The following PGAP3 variants were observed in gnomAD, a reference collection of about 807,000 sequenced individuals.
The protein encoded by PGAP3 is GPI-specific phospholipase A2-like PGAP3.
A neutral mutation model predicts 40.3 loss-of-function variants in PGAP3; 31 were observed. That is an observed-to-expected ratio of 0.77 (90% CI 0.58 to 1.04). The LOEUF is 1.04. Among genes scored for constraint, PGAP3 ranks in the 50% least tolerant of loss-of-function variants. The pLI, the probability that PGAP3 is intolerant of heterozygous loss-of-function variation, is 0.00. For synonymous variants in PGAP3, 191 were observed against 184.5 expected (o/e 1.04, Z -0.29); for missense variants, 413 against 423.0 (o/e 0.98, Z 0.21).
intron 2 of PGAP3, 133 bp downstream of exon 2, chr17:39,685,789 G>T: frequency 1.4e-6 from 1 of 728,424 alleles, no homozygotes; most frequent in Non-Finnish European, 2.3e-6. Context: ...AGATTTTGGG[G>T]AGAACAGGTA....
rs2057594118 is a variant in PGAP3, at chr17:39,687,951, G to A, written c.64C>T (p.Gln22Ter). Reference sequence around the variant, plus strand: ...CGGTACACCGGCTCACGGTCGCCCTGGGAGCCGCTCGCCAGCGCCGCTGCC... The same window carrying A: ...CGGTACACCGGCTCACGGTCGCCCTAGGAGCCGCTCGCCAGCGCCGCTGCC... The part of the protein sequence containing the change: ...AGAAALASGS[Q>*]GDREPVYRDC... Residue 22 changes from glutamine (Q) to a stop codon, truncating the protein, a stop_gained, in exon 1 of 8, where the codon CAG becomes TAG. Coordinates refer to ENST00000300658, the MANE Select transcript of PGAP3 (RefSeq NM_033419.5). LOFTEE classifies it high-confidence loss of function. The A allele has an allele frequency of 4.7e-6, 7 of 1,474,518 alleles. No homozygotes were observed. The highest frequency in any genetic ancestry group is 5.5e-6 in the Non-Finnish European group (6 of 1,097,786). The allele number at this position is 1,474,518 out of a possible 1,614,324, so 91.3% of individuals were successfully genotyped here. A position where few individuals can be genotyped will look rare whatever the true frequency, so the allele number is the denominator to read the frequency against.
Position 39,673,555 on chromosome 17 carries a change from C to T in PGAP3, c.653G>A (p.Arg218His), listed in dbSNP as rs749401877. ...CACCAGGTTGTAGCCATAGTCGAAG[C>T]GGATGAGGCTCAGGTAGGAGACGTG... ...TVHVSYLSLI[R>H]FDYGYNLVAN... Residue 218 changes from arginine to histidine, a missense_variant, in exon 6 of 8, where the codon CGC becomes CAC. Physicochemically the swap from Arg to His is conservative, Grantham distance 29 (BLOSUM62 0). Transcript: ENST00000300658. 1.2e-5 allele frequency: 20 copies of T among 1,614,004 alleles called. No homozygotes were observed. Among genetic ancestry groups the T allele is most frequent in the Admixed American group, 1.7e-5 (1 of 60,002 alleles).
chr17:39,682,625 C>T (rs1238486802), intron 3 of PGAP3, among the ~76,000 whole-genome samples: 4 of 152,144 alleles, frequency 2.6e-5, no homozygotes, highest in African/African-American at 9.7e-5. Context: ...ACCCATGCCA[C>T]CTCTCTAGTC....
In PGAP3 at chr17:39,673,041, C is replaced by A; in HGVS notation, c.899+10G>T. 1.9e-6 allele frequency: 3 copies of A among 1,598,652 alleles called. No individual in the cohort carries two copies. The highest frequency in any genetic ancestry group is 2.6e-6 in the Non-Finnish European group (3 of 1,172,924). On this transcript the variant is annotated intron_variant, in intron 7 of 7. Coordinates refer to ENST00000300658, the MANE Select transcript of PGAP3 (RefSeq NM_033419.5). ...AAGAAGGTGAGCACCAGGCAGGGGG[C>A]AGCACCCACCTGAAAAAGAGGACGT...
intron 3 of PGAP3, among the ~76,000 whole-genome samples, chr17:39,677,417 A>T (rs1165079361): frequency 6.6e-6 from 1 of 152,128 alleles, no homozygotes; most frequent in African/African-American, 2.4e-5. Context: ...CACCTCAGCT[A>T]TAGGAAGAGC....
chr17:39,674,141 A>T, intron 4 of PGAP3, 87 bp from the exon 5 acceptor site: 1 of 1,369,200 alleles, frequency 7.3e-7, no homozygotes, highest in Non-Finnish European at 1.0e-6. Flanking sequence ...AGTGGCAGAG[A>T]GGGGCCGGGG....
At chr17:39,682,414 T>C (rs180950621) in intron 3 of PGAP3, among the ~76,000 whole-genome samples, 51 of 152,226 alleles carry the variant, frequency 3.4e-4, no homozygotes, top group East Asian at 3.9e-4. Flanking sequence ...TTAAAGCCAA[T>C]TGGCTCTATA....
chr17:39,687,876 T>G lies in PGAP3; in HGVS notation c.139A>C (p.Asn47His), dbSNP rs2057589187. 1.3e-6 allele frequency: 2 copies of G among 1,503,646 alleles called. No individual in the cohort carries two copies. The highest frequency in any genetic ancestry group is 1.8e-6 in the Non-Finnish European group (2 of 1,113,470). The allele number at this position is 1,503,646 out of a possible 1,614,324, so 93.1% of individuals were successfully genotyped here. Residue 47 changes from asparagine (N) to histidine (H), a missense_variant, in exon 1 of 8, where the codon AAT becomes CAT. By Grantham distance (68) the Asn-to-His change is moderately conservative. Coordinates refer to ENST00000300658, the MANE Select transcript of PGAP3 (RefSeq NM_033419.5). ...EEQNCSGGAL[N>H]HFRSRQPIYM... ...ATTGGCTGGCGGGAGCGGAAGTGATTCAGAGCGCCCCCAGAGCAGTTCTGC... is the reference window on the plus strand; with the variant it reads ...ATTGGCTGGCGGGAGCGGAAGTGATGCAGAGCGCCCCCAGAGCAGTTCTGC...
rs747331778 is a variant in PGAP3, at chr17:39,686,038, G to A, written c.182-19C>T. 5.6e-6 allele frequency: 9 copies of A among 1,604,418 alleles called. No homozygotes were observed. The highest frequency in any genetic ancestry group is 2.2e-5 in the East Asian group (1 of 44,596). ...GTCCAGCCTGAAACAGACAAATGTG[G>A]CCTGGTGAACTCCCCAGCACAGAGA... On this transcript the variant is annotated intron_variant, in intron 1 of 7. Transcript: ENST00000300658.
intron 2 of PGAP3, among the ~76,000 whole-genome samples, chr17:39,685,067 C>T (rs1053354448): frequency 6.6e-6 from 1 of 152,118 alleles, no homozygotes; most frequent in African/African-American, 2.4e-5. Context: ...GACACAGGTC[C>T]CAACCCCTCC....
chr17:39,687,283 G>A (rs763933843), intron 1 of PGAP3, among the ~76,000 whole-genome samples: 1 of 152,196 alleles, frequency 6.6e-6, no homozygotes, highest in African/African-American at 2.4e-5. Context: ...CTCAAAGGGT[G>A]TGATAAAAAT....
intron 4 of PGAP3, among the ~76,000 whole-genome samples, chr17:39,674,279 A>G (rs1412762168): frequency 6.6e-6 from 1 of 152,198 alleles, no homozygotes; most frequent in Non-Finnish European, 1.5e-5. Context: ...CTGAGGCTCC[A>G]GGACATGACC....
At chr17:39,674,106 A>C in intron 4 of PGAP3, 52 bp from the exon 5 acceptor site, 1 of 1,570,120 alleles carries the variant, frequency 6.4e-7, no homozygotes. Context: ...CACGGAGAGG[A>C]CCCGCGGGGA....
chr17:39,673,580 G>C lies in PGAP3; in HGVS notation c.628C>G (p.His210Asp). The change falls in exon 6 of 8, where the codon CAC (histidine) becomes GAC (aspartate). Residue 210 changes from histidine to aspartate, a missense_variant. Transcript: ENST00000300658. ...RALLLLMLTV[H>D]VSYLSLIRFD... is the part of the protein sequence containing the mutation. ...CGGATGAGGCTCAGGTAGGAGACGT[G>C]CACGGTCAGCATGAGCAGCAGGAGA... The C allele has an allele frequency of 6.2e-7, 1 of 1,614,088 alleles. No homozygotes were observed. The highest frequency in any genetic ancestry group is 8.5e-7 in the Non-Finnish European group (1 of 1,180,010).
At chr17:39,676,151 C>G (rs1296811731) in intron 3 of PGAP3, among the ~76,000 whole-genome samples, 2 of 152,220 alleles carry the variant, frequency 1.3e-5, no homozygotes, top group African/African-American at 4.8e-5. Flanking sequence ...TCAGACACTG[C>G]TCCCACAGTC....
Position 39,685,958 on chromosome 17 carries a change from G to A in PGAP3, c.243C>T (p.Leu81=), listed in dbSNP as rs758680773. Residue 81 remains leucine (L), a synonymous_variant, in exon 2 of 8, where the codon CTC becomes CTT. Transcript: ENST00000300658. ...ACTGAGGCACTTTGTGACCTTCCTG[G>A]AGGTAGAGCCCAACGGTGACCCACA... ...ECMWVTVGLY[L]QEGHKVPQFH... 1.6e-5 allele frequency: 26 copies of A among 1,613,536 alleles called. No homozygotes were observed. The highest frequency in any genetic ancestry group is 2.2e-5 in the Non-Finnish European group (26 of 1,179,612).
At chr17:39,673,306 C>A in intron 6 of PGAP3, 51 bp from the exon 7 acceptor site, 1 of 1,556,454 alleles carries the variant, frequency 6.4e-7, no homozygotes. Context: ...TCCTTCTCCC[C>A]AAGGCCACCC....
rs2057326892 is a variant in PGAP3 at position 39,673,036 on chromosome 17, G to C, written c.899+15C>G. ...GTCCAAAGAAGGTGAGCACCAGGCA[G>C]GGGGCAGCACCCACCTGAAAAAGAG... On this transcript the variant is annotated intron_variant, in intron 7 of 7. Coordinates refer to ENST00000300658, the MANE Select transcript of PGAP3 (RefSeq NM_033419.5). 1 of 1,597,324 alleles carries C rather than the reference G, an allele frequency of 6.3e-7. No individual in the cohort carries two copies. Among genetic ancestry groups the C allele is most frequent in the Admixed American group, 1.8e-5 (1 of 56,410 alleles).
In PGAP3 at chr17:39,674,705, T is replaced by C. The variant is rs113081942; in HGVS notation, c.433-26A>G. On this transcript the variant is annotated intron_variant, in intron 3 of 7. Transcript: ENST00000300658. ...CTAAGGAGGGAGGGGCTGGTGAGCA[T>C]GCTGCCCCCCACCCTGACCTCAAGG... The C allele has an allele frequency of 2.3e-4, 359 of 1,541,840 alleles. No individual in the cohort carries two copies. In the African/African-American group the frequency reaches 4.6e-3, roughly 20 times the overall value.
Sources: allele counts gnomAD v4.1 joint callset (sites outside exome capture counted in the v4.1 genomes callset), GRCh38; gene constraint gnomAD v4.1.1; transcripts MANE v1.5; gene names NCBI Gene and HGNC (gene_info 2026-07-23, HGNC 2026-07-21).